PIK3R4: variants seen among roughly 807,000 people sequenced by gnomAD.
The protein encoded by PIK3R4 is phosphoinositide-3-kinase regulatory subunit 4.
A neutral mutation model predicts 136.5 loss-of-function variants in PIK3R4; 46 were observed. The ratio of observed to expected loss-of-function variants is 0.34; its 90% CI spans 0.27 to 0.43. The LOEUF (loss-of-function observed/expected upper bound fraction) is 0.43. PIK3R4 is among the 20% of genes least tolerant of loss of function. The pLI is 1.00. For synonymous variants in PIK3R4, 557 were observed against 566.7 expected, an observed-to-expected ratio of 0.98 and a Z score of 0.24; for missense variants, 1,331 against 1,649.5, an observed-to-expected ratio of 0.81 and a Z score of 3.35.
chr3:130,722,017 G>C (rs2107614966), intron 7 of PIK3R4, among the ~76,000 whole-genome samples: 1 of 151,688 alleles, frequency 6.6e-6, no homozygotes, highest in Admixed American at 6.6e-5. Flanking sequence ...ATCTTTATTT[G>C]TTGATTATAC....
chr3:130,706,282 G>A (rs975848931), intron 11 of PIK3R4, among the ~76,000 whole-genome samples: 1 of 152,180 alleles, frequency 6.6e-6, no homozygotes, highest in Non-Finnish European at 1.5e-5. Context: ...TCACAGCTTA[G>A]CCTAGCCTAC....
intron 13 of PIK3R4, among the ~76,000 whole-genome samples, chr3:130,695,957 TTA>T (rs2066543568): frequency 1.3e-5 from 2 of 152,184 alleles, no homozygotes; most frequent in African/African-American, 4.8e-5. Context: ...AATTTCTTTA[TTA>T]TTATAGATCT....
At chr3:130,739,239 G>A (rs545915124) in intron 2 of PIK3R4, among the ~76,000 whole-genome samples, 1 of 152,090 alleles carries the variant, frequency 6.6e-6, no homozygotes, top group East Asian at 1.9e-4. Context: ...ACCGCGCCCA[G>A]CTAATTTTTT....
Position 130,679,236 on chromosome 3 carries a change from A to G in PIK3R4, c.*79T>C, listed in dbSNP as rs1289750433. ...ATAATTTTGAAAATTAAGCAAATGA[A>G]TCTGTTCTCTAGAAATGCCTTTTCT... is the stretch of plus-strand genomic sequence containing the variant. On this transcript the variant is annotated 3_prime_UTR_variant, in exon 20 of 20. Coordinates refer to ENST00000356763, the MANE Select transcript of PIK3R4 (RefSeq NM_014602.3). 2.3e-6 allele frequency: 2 copies of G among 872,446 alleles called. No homozygotes were observed. The highest frequency in any genetic ancestry group is 3.5e-5 in the African/African-American group (2 of 57,696). The allele number at this position is 872,446 out of a possible 1,614,324, so 54.0% of individuals were successfully genotyped here.
intron 13 of PIK3R4, among the ~76,000 whole-genome samples, chr3:130,696,866 A>C (rs34524949): frequency 3.9e-4 from 59 of 152,014 alleles, no homozygotes; most frequent in Non-Finnish European, 7.2e-4. Flanking sequence ...CACTATTATA[A>C]CTGAATTATC....
chr3:130,686,110 A>C, intron 15 of PIK3R4, 101 bp downstream of exon 15: 1 of 706,312 alleles, frequency 1.4e-6, no homozygotes, highest in Non-Finnish European at 2.5e-6. Flanking sequence ...AGACGGGAAA[A>C]ATTACCAATG....
At chr3:130,728,332 G>T in intron 6 of PIK3R4, 131 bp downstream of exon 6, 1 of 639,224 alleles carries the variant, frequency 1.6e-6, no homozygotes, top group Non-Finnish European at 2.6e-6. Context: ...AAAGCAGCAT[G>T]AAGACAGAAA....
intron 9 of PIK3R4, among the ~76,000 whole-genome samples, chr3:130,715,121 C>CTTTT (rs1170237161): frequency 7.5e-5 from 9 of 119,914 alleles, no homozygotes; most frequent in East Asian, 2.4e-4. Context: ...TTTTTCCCGA[C>CTTTT]TTTTTTTTTT....
chr3:130,704,786 G>A (rs1369724286), intron 12 of PIK3R4, among the ~76,000 whole-genome samples: 2 of 151,932 alleles, frequency 1.3e-5, no homozygotes, highest in Admixed American at 6.6e-5. Flanking sequence ...TCGTTAAGGC[G>A]TAGGGTTAGA....
intron 8 of PIK3R4, among the ~76,000 whole-genome samples, chr3:130,717,585 A>C (rs950974208): frequency 6.6e-6 from 1 of 152,210 alleles, no homozygotes; most frequent in African/African-American, 2.4e-5. Context: ...TAACCTCTAG[A>C]AATGAATGAA....
At chr3:130,743,263 A>G (rs967952794) in intron 2 of PIK3R4, among the ~76,000 whole-genome samples, 3 of 151,912 alleles carry the variant, frequency 2.0e-5, no homozygotes, top group Non-Finnish European at 2.9e-5. Flanking sequence ...GTTAAAAAAA[A>G]AAAAAGTCAA....
chr3:130,728,723 A>C, intron 5 of PIK3R4, 39 bp from the exon 6 acceptor site: 1 of 1,339,510 alleles, frequency 7.5e-7, no homozygotes, highest in Non-Finnish European at 1.0e-6. Context: ...AAGAAAGAAA[A>C]GAAATAGTTA....
intron 12 of PIK3R4, among the ~76,000 whole-genome samples, chr3:130,704,754 C>A (rs765199431): frequency 1.3e-5 from 2 of 152,076 alleles, no homozygotes; most frequent in Non-Finnish European, 2.9e-5. Flanking sequence ...GAACTGTTTC[C>A]TCAAAATTTT....
At chr3:130,730,749 T>C (rs1396311020) in intron 4 of PIK3R4, among the ~76,000 whole-genome samples, 2 of 151,092 alleles carry the variant, frequency 1.3e-5, no homozygotes, top group Non-Finnish European at 2.9e-5. Flanking sequence ...ACTTACCTTT[T>C]AAACAGTATC....
Position 130,745,189 on chromosome 3 carries a change from G to A in PIK3R4, c.30C>T (p.Pro10=), listed in dbSNP as rs747691009. 9.3e-6 allele frequency: 15 copies of A among 1,606,314 alleles called. No homozygotes were observed. The South Asian group carries it at 1.4e-4, about 15-fold the overall frequency. ...AACTCTCTACAGAAAGGATCTGGGA[G>A]GGAGCAATGCCAGCAAGCTGATTTC... MGNQLAGIA[P]SQILSVESYF... The change falls in exon 2 of 20, where the codon CCC becomes CCT. Residue 10 remains proline (P), a synonymous_variant. Transcript: ENST00000356763.
chr3:130,728,494 A>G lies in PIK3R4; in HGVS notation c.1776T>C (p.His592=). Residue 592 remains histidine, a synonymous_variant, in exon 6 of 20, where the codon CAT becomes CAC. Transcript: ENST00000356763. ...TACTATCAAAAAATGCTCCACGTAGATGCCAATCATTCTTATCATTTAGGA... is the reference window on the plus strand; with the variant it reads ...TACTATCAAAAAATGCTCCACGTAGGTGCCAATCATTCTTATCATTTAGGA... The part of the protein sequence containing the change: ...ITFLNDKNDW[H]LRGAFFDSIV... 1 of 1,612,788 alleles carries G rather than the reference A, an allele frequency of 6.2e-7. No individual in the cohort carries two copies. The highest frequency in any genetic ancestry group is 8.5e-7 in the Non-Finnish European group (1 of 1,179,418).
In PIK3R4 at chr3:130,743,700, C is replaced by T. The variant is rs145389208; in HGVS notation, c.733+786G>A. Among the ~76,000 whole-genome samples the T allele has an allele frequency of 7.9e-5, 12 of 152,296 alleles. No homozygotes were observed. The East Asian group carries it at 2.3e-3, about 29-fold the overall frequency. Reference sequence around the variant, plus strand: ...TCTTAAGCATTACCACTTCTCTCCACTCCTTCCAACTCTGCCACAATCTTA... The same window carrying T: ...TCTTAAGCATTACCACTTCTCTCCATTCCTTCCAACTCTGCCACAATCTTA... On this transcript the variant is annotated intron_variant, in intron 2 of 19. Coordinates refer to ENST00000356763, the MANE Select transcript of PIK3R4 (RefSeq NM_014602.3).
At chr3:130,706,760 T>C (rs1296593905) in intron 11 of PIK3R4, among the ~76,000 whole-genome samples, 188 bp downstream of exon 11, 1 of 152,218 alleles carries the variant, frequency 6.6e-6, no homozygotes, top group Non-Finnish European at 1.5e-5. Context: ...TTTTTAGTAC[T>C]TTCAATAACT....
At position 130,745,088 on chromosome 3, in the gene PIK3R4, T is replaced by C; in HGVS notation, c.131A>G (p.Lys44Arg). 1.9e-6 allele frequency: 3 copies of C among 1,614,046 alleles called. No homozygotes were observed. Among genetic ancestry groups the C allele is most frequent in the Non-Finnish European group, 2.5e-6 (3 of 1,180,024 alleles). The change falls in exon 2 of 20, where the codon AAG becomes AGG. Residue 44 changes from lysine to arginine, a missense_variant. Physicochemically the swap from Lys to Arg is conservative, Grantham distance 26. This residue lies in a region of PIK3R4 where 151 missense variants were observed against 242.5 expected (regional missense o/e 0.62). Coordinates refer to ENST00000356763, the MANE Select transcript of PIK3R4 (RefSeq NM_014602.3). ...CACAACGACCAGGCCTTCTCGGTGC[T>C]TGGCTCGAGCAACTTTAAAAAACCG... ...STRFFKVARA[K>R]HREGLVVVKV...
Sources: allele counts gnomAD v4.1 joint callset (sites outside exome capture counted in the v4.1 genomes callset), GRCh38; gene constraint gnomAD v4.1.1; regional missense constraint gnomAD v4.1.1; transcripts MANE v1.5; gene names NCBI Gene and HGNC (gene_info 2026-07-23, HGNC 2026-07-21).